Variants in UHMK1 observed in about 807,000 individuals in gnomAD.
The protein encoded by UHMK1 is serine/threonine-protein kinase Kist.
In UHMK1, 18 loss-of-function variants were observed where a neutral mutation model predicts 44.0. The observed-to-expected ratio is 0.41, with a 90% CI of 0.28 to 0.61. The LOEUF is 0.61. Ranked by LOEUF, UHMK1 falls within the 20% of genes least tolerant of loss-of-function variation. UHMK1 has a pLI of 0.31. For synonymous variants in UHMK1, 231 were observed against 198.5 expected (o/e 1.16, Z -1.38); for missense variants, 463 against 522.5 (o/e 0.89, Z 1.11).
At position 162,527,430 on chromosome 1, in the gene UHMK1, A is replaced by T. The variant is rs181901751; in HGVS notation, c.*4880A>T. 251 of 152,244 alleles carry T rather than the reference A, an allele frequency of 1.6e-3. 3 individuals carry two copies. Among genetic ancestry groups the T allele is most frequent in the African/African-American group, 6.0e-3 (248 of 41,592 alleles). 9.4% of individuals were successfully genotyped at this position (152,244 alleles called of 1,614,324 possible). ...GAGTATTTAGGAAACTTTGTATTTT[A>T]TAGGTGGTCATTAAAGTGATCTTCA... On this transcript the variant is annotated 3_prime_UTR_variant, in exon 8 of 8. Coordinates refer to ENST00000489294, the MANE Select transcript of UHMK1 (RefSeq NM_175866.5).
rs1447709092 is a variant in UHMK1 at position 162,500,580 on chromosome 1, T to C, written c.561+333T>C. 4.8e-5 allele frequency: 19 copies of C among 399,912 alleles called. No homozygotes were observed. The South Asian group carries it at 7.5e-4, about 16-fold the overall frequency. The allele number at this position is 399,912 out of a possible 1,614,324, so 24.8% of individuals were successfully genotyped here. On this transcript the variant is annotated intron_variant, in intron 2 of 7. Coordinates refer to ENST00000489294, the MANE Select transcript of UHMK1 (RefSeq NM_175866.5). ...TGGTCTCTTCAGTGTTGGGGCTGTA[T>C]CTCGTGGCAGAATGCATATGATAGT...
In UHMK1 at chr1:162,524,000, G is replaced by A. The variant is rs2101688494; in HGVS notation, c.*1450G>A. On this transcript the variant is annotated 3_prime_UTR_variant, in exon 8 of 8. Coordinates refer to ENST00000489294, the MANE Select transcript of UHMK1 (RefSeq NM_175866.5). ...TATGGATTCTTCTTATTTCATGGTA[G>A]GTTGTCTTTAAAGATATAAAAATTA... is the stretch of plus-strand genomic sequence containing the variant. The A allele has an allele frequency of 6.6e-6, 1 of 151,992 alleles. No homozygotes were observed. Among genetic ancestry groups the A allele is most frequent in the African/African-American group, 2.4e-5 (1 of 41,468 alleles). The allele number at this position is 151,992 out of a possible 1,614,324, so 9.4% of individuals were successfully genotyped here. A position where few individuals can be genotyped will look rare whatever the true frequency, so the allele number is the denominator to read the frequency against.
rs1027391647 is a variant in UHMK1, at chr1:162,527,458, A to G, written c.*4908A>G. 2.0e-5 allele frequency: 3 copies of G among 152,140 alleles called. No homozygotes were observed. The highest frequency in any genetic ancestry group is 7.2e-5 in the African/African-American group (3 of 41,440). The allele number at this position is 152,140 out of a possible 1,614,324, so 9.4% of individuals were successfully genotyped here. On this transcript the variant is annotated 3_prime_UTR_variant, in exon 8 of 8. Coordinates refer to ENST00000489294, the MANE Select transcript of UHMK1 (RefSeq NM_175866.5). ...GGTGGTCATTAAAGTGATCTTCAGG[A>G]TATAAGATAGTTTACACAAACTTTA...
chr1:162,516,985 T>A (rs1442831710), intron 6 of UHMK1, among the ~76,000 whole-genome samples: 1 of 152,252 alleles, frequency 6.6e-6, no homozygotes, highest in East Asian at 1.9e-4. Flanking sequence ...CATTTCTATT[T>A]CTAGAATGTC....
intron 1 of UHMK1, among the ~76,000 whole-genome samples, chr1:162,499,480 T>C (rs1447955759): frequency 2.0e-5 from 3 of 152,226 alleles, no homozygotes; most frequent in Non-Finnish European, 4.4e-5. Flanking sequence ...ACTGCTGTTT[T>C]GGATGAAGAA....
intron 2 of UHMK1, 51 bp downstream of exon 2, chr1:162,500,298 A>C: frequency 6.4e-7 from 1 of 1,555,132 alleles, no homozygotes; most frequent in South Asian, 1.2e-5. Context: ...TAGTGGTTGA[A>C]GCCAAATATT....
In UHMK1 at chr1:162,512,395, T is replaced by C. The variant is rs1258166859; in HGVS notation, c.849-105T>C. ...TGAATGATTCAATAAATCATGCTAA[T>C]ATAATTAATGCTGTGATGAACATTC... On this transcript the variant is annotated intron_variant, in intron 4 of 7. Coordinates refer to ENST00000489294, the MANE Select transcript of UHMK1 (RefSeq NM_175866.5). The C allele has an allele frequency of 3.4e-6, 3 of 871,156 alleles. No homozygotes were observed. The African/African-American group carries it at 5.1e-5, about 15-fold the overall frequency. 54.0% of individuals were successfully genotyped at this position (871,156 alleles called of 1,614,324 possible).
At chr1:162,508,522 G>A (rs567429419) in intron 4 of UHMK1, among the ~76,000 whole-genome samples, 8 of 151,894 alleles carry the variant, frequency 5.3e-5, no homozygotes, top group Admixed American at 1.3e-4. Flanking sequence ...TGGCCAACAT[G>A]GTGAAATCCC....
rs983027717 is a variant in UHMK1, at chr1:162,526,949, C to T, written c.*4399C>T. 7.9e-5 allele frequency: 12 copies of T among 152,048 alleles called. No homozygotes were observed. Among genetic ancestry groups the T allele is most frequent in the Admixed American group, 7.9e-4 (12 of 15,254 alleles). The allele number at this position is 152,048 out of a possible 1,614,324, so 9.4% of individuals were successfully genotyped here. A position where few individuals can be genotyped will look rare whatever the true frequency, so the allele number is the denominator to read the frequency against. The stretch of plus-strand genomic sequence containing the variant: ...TTGGTCACAATTAGCTCAAAAGAAT[C>T]CCCATTTCTTAAGGTGCTCAGTCAA... On this transcript the variant is annotated 3_prime_UTR_variant, in exon 8 of 8. Transcript: ENST00000489294.
intron 4 of UHMK1, among the ~76,000 whole-genome samples, chr1:162,504,801 G>T (rs1194365309): frequency 6.6e-6 from 1 of 152,036 alleles, no homozygotes; most frequent in Non-Finnish European, 1.5e-5. Context: ...TTGAGACAGA[G>T]TCACACTCCA....
Position 162,523,864 on chromosome 1 carries a change from C to CA in UHMK1, c.*1317dup, listed in dbSNP as rs1652146892. 1 of 152,040 alleles carries CA rather than the reference C, an allele frequency of 6.6e-6. No individual in the cohort carries two copies. Among genetic ancestry groups the CA allele is most frequent in the South Asian group, 2.1e-4 (1 of 4,818 alleles). The allele number at this position is 152,040 out of a possible 1,614,324, so 9.4% of individuals were successfully genotyped here. A position where few individuals can be genotyped will look rare whatever the true frequency, so the allele number is the denominator to read the frequency against. ...GTAGAAGTAGAAAGGAAGAAAAACTCAAAGAATTCTTAAAAGGATTCATAG... is the reference window on the plus strand; with the variant it reads ...GTAGAAGTAGAAAGGAAGAAAAACTCAAAAGAATTCTTAAAAGGATTCATAG... On this transcript the variant is annotated 3_prime_UTR_variant, in exon 8 of 8. Coordinates refer to ENST00000489294, the MANE Select transcript of UHMK1 (RefSeq NM_175866.5).
At chr1:162,521,475 A>T (rs1056358040) in intron 7 of UHMK1, among the ~76,000 whole-genome samples, 1 of 151,818 alleles carries the variant, frequency 6.6e-6, no homozygotes, top group Non-Finnish European at 1.5e-5. Flanking sequence ...CAGGGAGGGG[A>T]CAGGGTCTTG....
At position 162,525,979 on chromosome 1, in the gene UHMK1, G is replaced by A. The variant is rs1652232544; in HGVS notation, c.*3429G>A. 6.6e-6 allele frequency: 1 copy of A among 152,010 alleles called. No homozygotes were observed. The highest frequency in any genetic ancestry group is 1.5e-5 in the Non-Finnish European group (1 of 67,992). 9.4% of individuals were successfully genotyped at this position (152,010 alleles called of 1,614,324 possible). ...TCATGTTGCTTATATTTTAACTATT[G>A]AGCAAGTTTATTATAAGGAATGCTG... On this transcript the variant is annotated 3_prime_UTR_variant, in exon 8 of 8. Transcript: ENST00000489294.
At chr1:162,508,799 T>C (rs1329225522) in intron 4 of UHMK1, among the ~76,000 whole-genome samples, 1 of 152,122 alleles carries the variant, frequency 6.6e-6, no homozygotes, top group Admixed American at 6.5e-5. Context: ...ATAGATACTT[T>C]TCTTTCTCTT....
At chr1:162,519,253 C>G (rs144324703) in intron 7 of UHMK1, among the ~76,000 whole-genome samples, 2 of 149,634 alleles carry the variant, frequency 1.3e-5, no homozygotes, top group African/African-American at 4.9e-5. Flanking sequence ...GGAGGCTGAG[C>G]TGCAGCAAGC....
chr1:162,501,223 G>A (rs1651257480), intron 3 of UHMK1, 119 bp downstream of exon 3: 3 of 1,007,288 alleles, frequency 3.0e-6, no homozygotes, highest in Non-Finnish European at 4.2e-6. Context: ...AGGCTGGAGT[G>A]CAGTGGCGCA....
Position 162,528,959 on chromosome 1 carries a change from G to C in UHMK1, c.*6409G>C, listed in dbSNP as rs1652349723. ...CATCCTGTGTCAGCTGGAGTAGTTG[G>C]TTGTGAATATTAAAACCTAGTACTA... On this transcript the variant is annotated 3_prime_UTR_variant, in exon 8 of 8. Transcript: ENST00000489294. The C allele has an allele frequency of 6.6e-6, 1 of 152,044 alleles. No individual in the cohort carries two copies. The highest frequency in any genetic ancestry group is 6.6e-5 in the Admixed American group (1 of 15,250). 9.4% of individuals were successfully genotyped at this position (152,044 alleles called of 1,614,324 possible).
At chr1:162,497,464 T>C (rs1171499962), upstream of UHMK1, among the ~76,000 whole-genome samples, 1 of 152,192 alleles carries the variant, frequency 6.6e-6, no homozygotes, top group Non-Finnish European at 1.5e-5. Context: ...TCCAGAATCA[T>C]GGGTTCTGGT....
intron 4 of UHMK1, among the ~76,000 whole-genome samples, chr1:162,505,508 G>T (rs1283460346): frequency 6.6e-6 from 1 of 152,096 alleles, no homozygotes; most frequent in Non-Finnish European, 1.5e-5. Context: ...ATGTCCTACC[G>T]CAACACCTGC....
Sources: allele counts gnomAD v4.1 joint callset (sites outside exome capture counted in the v4.1 genomes callset), GRCh38; gene constraint gnomAD v4.1.1; transcripts MANE v1.5; gene names NCBI Gene and HGNC (gene_info 2026-07-23, HGNC 2026-07-21).